The following IMMP2L variants were observed in gnomAD, a reference collection of about 807,000 sequenced individuals.
IMMP2L encodes the protein inner mitochondrial membrane peptidase subunit 2.
IMMP2L carries 18 observed loss-of-function variants against 19.3 expected under a neutral mutation model. The ratio of observed to expected loss-of-function variants is 0.93; its 90% CI spans 0.64 to 1.38. The LOEUF (loss-of-function observed/expected upper bound fraction) is 1.38, where lower values mean the gene tolerates loss of function less well. Ranked by LOEUF, IMMP2L falls within the 40% of genes most tolerant of loss-of-function variation. The pLI is 0.00. For synonymous variants in IMMP2L, 76 were observed against 73.0 expected, an observed-to-expected ratio of 1.04 and a Z score of -0.21; for missense variants, 233 against 218.2, an observed-to-expected ratio of 1.07 and a Z score of -0.43.
intron 3 of IMMP2L, among the ~76,000 whole-genome samples, chr7:111,039,591 C>A (rs964670016): frequency 7.2e-5 from 11 of 152,102 alleles, no homozygotes; most frequent in African/African-American, 1.9e-4. Context: ...AGCTCTCCCC[C>A]CTTTGTATTC....
chr7:111,031,503 T>G (rs1385508854), intron 3 of IMMP2L, among the ~76,000 whole-genome samples: 2 of 151,820 alleles, frequency 1.3e-5, no homozygotes, highest in Admixed American at 6.6e-5. Context: ...AATAATTTAA[T>G]GACCAAAATT....
In IMMP2L at chr7:111,198,616, TG is replaced by T. The variant is rs553456220; in HGVS notation, c.240-235052del. 4.6e-3 allele frequency among the ~76,000 whole-genome samples: 694 copies of T among 152,318 alleles called. 4 individuals carry two copies. Among genetic ancestry groups the T allele is most frequent in the Non-Finnish European group, 6.7e-3 (455 of 68,036 alleles). On this transcript the variant is annotated intron_variant, in intron 3 of 5. Coordinates refer to ENST00000405709, the MANE Select transcript of IMMP2L (RefSeq NM_032549.4). ...AAACACGCCCTGATAATTTCTGCTT[TG>T]ATTCATGCTACTTCTACAAATGATG...
chr7:111,037,918 T>C (rs2129570287), intron 3 of IMMP2L, among the ~76,000 whole-genome samples: 1 of 152,284 alleles, frequency 6.6e-6, no homozygotes, highest in East Asian at 1.9e-4. Flanking sequence ...TGTATTTTGT[T>C]AAGAGGTAAA....
At chr7:111,314,325 A>G (rs780384493) in intron 3 of IMMP2L, among the ~76,000 whole-genome samples, 1 of 152,170 alleles carries the variant, frequency 6.6e-6, no homozygotes, top group Non-Finnish European at 1.5e-5. Flanking sequence ...TGTCCTGGAA[A>G]GTAGAATTGT....
chr7:111,546,882 T>C (rs1040381446), intron 1 of IMMP2L, among the ~76,000 whole-genome samples: 9 of 152,156 alleles, frequency 5.9e-5, no homozygotes, highest in African/African-American at 1.9e-4. Flanking sequence ...TGAGAAGATA[T>C]GATCCAAATT....
intron 5 of IMMP2L, among the ~76,000 whole-genome samples, chr7:110,818,392 T>G (rs2131316988): frequency 6.6e-6 from 1 of 151,752 alleles, no homozygotes; most frequent in Non-Finnish European, 1.5e-5. Context: ...ATCAGAGAAA[T>G]GCAAATCAAA....
chr7:111,461,670 G>A (rs28651785), intron 3 of IMMP2L, among the ~76,000 whole-genome samples: 2,397 of 152,190 alleles, frequency 0.016, 85 homozygotes, highest in African/African-American at 0.054. Context: ...TCTGGAGACT[G>A]GAAATCGCTC....
intron 3 of IMMP2L, among the ~76,000 whole-genome samples, chr7:111,149,549 T>C (rs1463917519): frequency 1.3e-5 from 2 of 152,202 alleles, no homozygotes; most frequent in Non-Finnish European, 2.9e-5. Flanking sequence ...ACATATATTT[T>C]ATACATTCAT....
chr7:111,426,644 G>A (rs1391880679), intron 3 of IMMP2L, among the ~76,000 whole-genome samples: 4 of 151,196 alleles, frequency 2.6e-5, no homozygotes, highest in Non-Finnish European at 4.4e-5. Context: ...AATATGTTAT[G>A]TTGTCCTTTT....
intron 3 of IMMP2L, among the ~76,000 whole-genome samples, chr7:111,310,232 C>A (rs1434206198): frequency 3.4e-4 from 46 of 134,660 alleles, no homozygotes; most frequent in Admixed American, 5.3e-4. Context: ...GACTCCATCT[C>A]AAAAAAAAAA....
intron 3 of IMMP2L, among the ~76,000 whole-genome samples, chr7:111,042,897 G>T (rs563399619): frequency 6.6e-6 from 1 of 152,206 alleles, no homozygotes; most frequent in Non-Finnish European, 1.5e-5. Flanking sequence ...CAGAAATTAT[G>T]TCTTGTTCAC....
chr7:110,964,841 T>C (rs1452784390), intron 3 of IMMP2L, among the ~76,000 whole-genome samples: 4 of 151,946 alleles, frequency 2.6e-5, no homozygotes. Context: ...GTCTGGTCTG[T>C]CCTGAGCAGC....
chr7:111,487,726 T>C (rs924866519), intron 2 of IMMP2L, among the ~76,000 whole-genome samples: 11 of 152,144 alleles, frequency 7.2e-5, no homozygotes, highest in African/African-American at 2.4e-4. Flanking sequence ...TTGTTCCATC[T>C]GGGGAAAAGA....
At chr7:111,210,762 C>T (rs1224246495) in intron 3 of IMMP2L, among the ~76,000 whole-genome samples, 1 of 151,818 alleles carries the variant, frequency 6.6e-6, no homozygotes, top group Admixed American at 6.6e-5. Context: ...AAATAAGAAC[C>T]ATGATTAAGA....
At chr7:111,091,426 G>A (rs73418080) in intron 3 of IMMP2L, 19 of 152,268 alleles carry the variant, frequency 1.2e-4, no homozygotes, top group African/African-American at 4.6e-4. Context: ...ACAACCATGT[G>A]ATTATCTCAA....
In IMMP2L at chr7:111,547,542, T is replaced by G. The variant is rs1849047815; in HGVS notation, c.-3+14309A>C. ...TTTTTATCCTGCTTTTTTGCTTGTT[T>G]TTTTTTAATTTTTTATTTATTTAGG... On this transcript the variant is annotated intron_variant, in intron 1 of 5. Coordinates refer to ENST00000405709, the MANE Select transcript of IMMP2L (RefSeq NM_032549.4). Among the ~76,000 whole-genome samples the G allele has an allele frequency of 5.4e-5, 8 of 148,690 alleles. No homozygotes were observed. In the South Asian group the frequency reaches 1.9e-3, roughly 35 times the overall value.
intron 3 of IMMP2L, among the ~76,000 whole-genome samples, chr7:111,054,802 G>A (rs567950350): frequency 3.5e-4 from 54 of 152,168 alleles, no homozygotes; most frequent in African/African-American, 1.3e-3. Context: ...TTTCTCCACT[G>A]GGAAAGTCTT....
chr7:111,084,500 T>A (rs1047252186), intron 3 of IMMP2L, among the ~76,000 whole-genome samples: 2 of 152,070 alleles, frequency 1.3e-5, no homozygotes, highest in African/African-American at 4.8e-5. Context: ...ATAAAGAGAC[T>A]GATTAATTTT....
At chr7:111,018,489 G>A (rs948163848) in intron 3 of IMMP2L, among the ~76,000 whole-genome samples, 5 of 152,182 alleles carry the variant, frequency 3.3e-5, no homozygotes, top group South Asian at 2.1e-4. Context: ...TTTAACTCTC[G>A]GCTGTTCTGT....
Sources: allele counts gnomAD v4.1 joint callset (sites outside exome capture counted in the v4.1 genomes callset), GRCh38; gene constraint gnomAD v4.1.1; transcripts MANE v1.5; gene names NCBI Gene and HGNC (gene_info 2026-07-23, HGNC 2026-07-21).